The following ARB2A variants were observed in gnomAD, a reference collection of about 807,000 sequenced individuals.
ARB2A encodes ARB2 cotranscriptional regulator A.
the ARB2A span, among the ~76,000 whole-genome samples, chr5:93,907,833 A>G: frequency 1.3e-5 from 2 of 151,330 alleles, no homozygotes; most frequent in Admixed American, 6.6e-5. Context: ...TATCATGGCC[A>G]ATTTTAAATG....
the ARB2A span, among the ~76,000 whole-genome samples, chr5:93,810,232 T>C: frequency 2.4e-4 from 36 of 151,116 alleles, no homozygotes; most frequent in African/African-American, 8.2e-4. Flanking sequence ...GAATGAAGTG[T>C]GTGTCATGGG....
At chr5:93,682,242 T>C in the ARB2A span, among the ~76,000 whole-genome samples, 2 of 136,542 alleles carry the variant, frequency 1.5e-5, no homozygotes, top group African/African-American at 5.3e-5. Flanking sequence ...CAGTCTAACT[T>C]AAAAAAAAAA....
At chr5:93,787,887 T>G in the ARB2A span, among the ~76,000 whole-genome samples, 1 of 152,200 alleles carries the variant, frequency 6.6e-6, no homozygotes, top group African/African-American at 2.4e-5. Flanking sequence ...AGTTCTAAAA[T>G]AAATAATGTC....
the ARB2A span, among the ~76,000 whole-genome samples, chr5:93,697,684 C>T: frequency 2.4e-4 from 37 of 152,104 alleles, no homozygotes; most frequent in Non-Finnish European, 5.0e-4. Context: ...TGTTTCTTAC[C>T]GCTTCAGCAC....
the ARB2A span, among the ~76,000 whole-genome samples, chr5:93,696,078 T>G: frequency 6.6e-6 from 1 of 152,000 alleles, no homozygotes; most frequent in Non-Finnish European, 1.5e-5. Context: ...GAGAAATACT[T>G]AATGTAGATG....
At chr5:93,709,979 T>C in the ARB2A span, among the ~76,000 whole-genome samples, 1 of 152,200 alleles carries the variant, frequency 6.6e-6, no homozygotes, top group African/African-American at 2.4e-5. Flanking sequence ...AGGGCCTAGT[T>C]AATACAGGAA....
the ARB2A span, among the ~76,000 whole-genome samples, chr5:93,709,063 T>C: frequency 7.3e-6 from 1 of 137,304 alleles, no homozygotes; most frequent in Non-Finnish European, 1.6e-5. Context: ...ATGGTAACTA[T>C]GTAATGGAAT....
chr5:93,680,682 T>C, the ARB2A span, among the ~76,000 whole-genome samples: 3 of 152,176 alleles, frequency 2.0e-5, no homozygotes, highest in Non-Finnish European at 2.9e-5. Context: ...AAGGTTAATC[T>C]GATTATTGGG....
chr5:93,776,213 G>T, the ARB2A span: 1 of 1,611,722 alleles, frequency 6.2e-7, no homozygotes, highest in Non-Finnish European at 8.5e-7. Context: ...GTGTCTAATG[G>T]TTCTGAGCTA....
At chr5:94,098,547 T>C in the ARB2A span, among the ~76,000 whole-genome samples, 1 of 151,686 alleles carries the variant, frequency 6.6e-6, no homozygotes, top group Non-Finnish European at 1.5e-5. Flanking sequence ...CATCCCAAAT[T>C]AACAACCTAA....
chr5:94,063,119 A>C, the ARB2A span, among the ~76,000 whole-genome samples: 2 of 147,836 alleles, frequency 1.4e-5, no homozygotes, highest in African/African-American at 2.5e-5. Flanking sequence ...AAATAACCCC[A>C]CCCCCGCCTA....
chr5:93,629,913 A>T, the ARB2A span, among the ~76,000 whole-genome samples: 1 of 152,214 alleles, frequency 6.6e-6, no homozygotes, highest in African/African-American at 2.4e-5. Context: ...CTATGTTGAT[A>T]ATAACAGGTA....
the ARB2A span, among the ~76,000 whole-genome samples, chr5:93,822,851 TTTAAC>T: frequency 6.6e-6 from 1 of 152,138 alleles, no homozygotes; most frequent in African/African-American, 2.4e-5. Context: ...AAATAAATGA[TTTAAC>T]TTAACGATTT....
the ARB2A span, among the ~76,000 whole-genome samples, chr5:94,086,678 G>T: frequency 6.6e-6 from 1 of 151,914 alleles, no homozygotes; most frequent in African/African-American, 2.4e-5. Context: ...TCAGACTCCC[G>T]AGTAGCTGAG....
chr5:93,893,923 T>A, the ARB2A span, among the ~76,000 whole-genome samples: 4 of 152,156 alleles, frequency 2.6e-5, no homozygotes, highest in African/African-American at 9.7e-5. Flanking sequence ...TTACAGACAT[T>A]ACCATCAGAG....
chr5:93,746,534 G>A, the ARB2A span, among the ~76,000 whole-genome samples: 2 of 152,118 alleles, frequency 1.3e-5, no homozygotes, highest in Non-Finnish European at 2.9e-5. Context: ...TTTTGCTGCT[G>A]TTCTTTTTAG....
At chr5:93,954,276 T>G in the ARB2A span, among the ~76,000 whole-genome samples, 8 of 152,062 alleles carry the variant, frequency 5.3e-5, no homozygotes, top group Admixed American at 4.6e-4. Context: ...CCAAGACACA[T>G]GACATACTCC....
the ARB2A span, among the ~76,000 whole-genome samples, chr5:93,693,043 A>G: frequency 6.6e-6 from 1 of 152,254 alleles, no homozygotes; most frequent in East Asian, 1.9e-4. Context: ...TCTGGGACAC[A>G]GTGAAAGCAG....
At chr5:93,809,633 T>C in the ARB2A span, among the ~76,000 whole-genome samples, 2 of 152,040 alleles carry the variant, frequency 1.3e-5, no homozygotes, top group Non-Finnish European at 2.9e-5. Flanking sequence ...AGTAATATAA[T>C]ACTCTTTTAT....
Sources: gnomAD v4.1 joint callset for allele counts (sites outside exome capture counted in the v4.1 genomes callset) on GRCh38, gnomAD v4.1.1 for gene constraint, MANE v1.5 for transcripts, NCBI Gene and HGNC (gene_info 2026-07-23, HGNC 2026-07-21) for gene names.